The following BIRC6 variants were observed in gnomAD, a reference collection of about 807,000 sequenced individuals.
The protein encoded by BIRC6 is baculoviral IAP repeat containing 6.
In BIRC6, 98 loss-of-function variants were observed where a neutral mutation model predicts 503.3. That is an observed-to-expected ratio of 0.19 (90% CI 0.17 to 0.23). BIRC6 has a LOEUF of 0.23. Ranked by LOEUF, BIRC6 falls within the 10% of genes least tolerant of loss-of-function variation. The pLI is 1.00. For missense variants in BIRC6, 5,360 were observed against 5,806.0 expected (o/e 0.92, Z 2.50); for synonymous variants, 2,240 against 2,078.7 (o/e 1.08, Z -2.11).
At chr2:32,573,272 A>G (rs1212181215) in intron 65 of BIRC6, among the ~76,000 whole-genome samples, 1 of 152,100 alleles carries the variant, frequency 6.6e-6, no homozygotes, top group Non-Finnish European at 1.5e-5. Context: ...GTCTCAGCTC[A>G]CTGCAGCCTC....
chr2:32,405,081 T>A (rs973255297), intron 8 of BIRC6, among the ~76,000 whole-genome samples: 4 of 152,234 alleles, frequency 2.6e-5, no homozygotes, highest in Non-Finnish European at 5.9e-5. Context: ...TACTACTACT[T>A]AATTTTATTG....
chr2:32,359,560 G>T (rs187633874), intron 1 of BIRC6, among the ~76,000 whole-genome samples: 4 of 152,120 alleles, frequency 2.6e-5, no homozygotes, highest in African/African-American at 4.8e-5. Context: ...AGAAGAGTTC[G>T]GGATTGGATA....
intron 66 of BIRC6, among the ~76,000 whole-genome samples, chr2:32,590,144 C>T (rs1231122913): frequency 6.6e-6 from 1 of 152,168 alleles, no homozygotes. Context: ...ATACTAGAAG[C>T]AGTTTCCCAC....
chr2:32,546,136 C>G (rs2058039532), intron 63 of BIRC6, among the ~76,000 whole-genome samples: 3 of 152,134 alleles, frequency 2.0e-5, no homozygotes, highest in African/African-American at 7.2e-5. Flanking sequence ...ATACTGTGAT[C>G]CTTCTTCCTT....
chr2:32,564,445 T>C (rs559549442), intron 65 of BIRC6: 10 of 152,200 alleles, frequency 6.6e-5, no homozygotes, highest in Non-Finnish European at 1.0e-4. Context: ...CAAATATCTA[T>C]TGGTGTTTCT....
chr2:32,465,212 C>G (rs1211584998), intron 26 of BIRC6, 48 bp downstream of exon 26: 2 of 795,938 alleles, frequency 2.5e-6, no homozygotes, highest in African/African-American at 2.9e-5. Context: ...TTTGCTTAGT[C>G]TGCCGGCCTT....
chr2:32,458,044 A>G lies in BIRC6; in HGVS notation c.4753+4102A>G, dbSNP rs918835370. On this transcript the variant is annotated intron_variant, in intron 23 of 73. Coordinates refer to ENST00000421745, the MANE Select transcript of BIRC6 (RefSeq NM_016252.4). Reference sequence around the variant, plus strand: ...TCAATACATGATTAAACAATATAATATAGAATTCTATAGGGATTCTAAGTT... The same window carrying G: ...TCAATACATGATTAAACAATATAATGTAGAATTCTATAGGGATTCTAAGTT... Among the ~76,000 whole-genome samples the G allele has an allele frequency of 9.2e-5, 14 of 152,308 alleles. No homozygotes were observed. In the East Asian group the frequency reaches 2.7e-3, roughly 29 times the overall value.
At chr2:32,598,473 G>GT (rs959783666) in intron 69 of BIRC6, among the ~76,000 whole-genome samples, 19 of 151,502 alleles carry the variant, frequency 1.3e-4, no homozygotes, top group Non-Finnish European at 2.2e-4. Context: ...GGAAATTTAT[G>GT]TTTTTTTTAA....
rs550769398 is a variant in BIRC6, at chr2:32,480,163, T to C, written c.7408+546T>C. On this transcript the variant is annotated intron_variant, in intron 37 of 73. Transcript: ENST00000421745. ...TCATGATTTTCTATTTTTTACTTGA[T>C]ATTCTCTTTATCTGGAGTAGATTTC... 2.2e-4 allele frequency among the ~76,000 whole-genome samples: 33 copies of C among 152,344 alleles called. No homozygotes were observed. In the South Asian group the frequency reaches 5.2e-3, roughly 24 times the overall value.
At chr2:32,530,518 C>T (rs1260786816) in intron 60 of BIRC6, among the ~76,000 whole-genome samples, 2 of 152,036 alleles carry the variant, frequency 1.3e-5, no homozygotes, top group South Asian at 2.1e-4. Context: ...CCCTTATATT[C>T]CATTAAATAT....
In BIRC6 at chr2:32,554,364, A is replaced by G. The variant is rs534209018; in HGVS notation, c.13144+4883A>G. The stretch of plus-strand genomic sequence containing the variant: ...CAATTCACAGATTAGAAAAGAACAA[A>G]TGAAATCTAGAGAAATGTATTCAGT... On this transcript the variant is annotated intron_variant, in intron 65 of 73. Coordinates refer to ENST00000421745, the MANE Select transcript of BIRC6 (RefSeq NM_016252.4). Among the ~76,000 whole-genome samples, 6 of 152,308 alleles carry G rather than the reference A, an allele frequency of 3.9e-5. No individual in the cohort carries two copies. The East Asian group carries it at 1.2e-3, about 29-fold the overall frequency.
intron 2 of BIRC6, 92 bp from the exon 3 acceptor site, chr2:32,380,061 A>G (rs1469422922): frequency 3.3e-6 from 3 of 912,212 alleles, no homozygotes; most frequent in Non-Finnish European, 4.7e-6. Flanking sequence ...ATCATTGCAT[A>G]TTAAAATATC....
In BIRC6 at chr2:32,436,111, A is replaced by G. The variant is rs569048876; in HGVS notation, c.3558A>G (p.Val1186=). ...AAGAAGACATTCTATGTGGGCCAGTATGGCTTGCTAGTGGCCTTGATCTAT... is the reference window on the plus strand; with the variant it reads ...AAGAAGACATTCTATGTGGGCCAGTGTGGCTTGCTAGTGGCCTTGATCTAT... The part of the protein sequence containing the change: ...DHKEDILCGP[V]WLASGLDLSG... The change falls in exon 15 of 74, where the codon GTA becomes GTG. Residue 1186 remains valine, a synonymous_variant. Transcript: ENST00000421745. The G allele has an allele frequency of 1.1e-5, 16 of 1,501,242 alleles. No homozygotes were observed. The East Asian group carries it at 3.2e-4, about 30-fold the overall frequency. 93.0% of individuals were successfully genotyped at this position (1,501,242 alleles called of 1,614,324 possible).
chr2:32,555,914 C>CA (rs372061622), intron 65 of BIRC6, among the ~76,000 whole-genome samples: 28,719 of 85,682 alleles, frequency 0.34, 3,498 homozygotes, highest in Admixed American at 0.41. Context: ...GACCCTATCT[C>CA]AAAAAAAAAA....
chr2:32,566,820 C>T (rs1235671617), intron 65 of BIRC6, among the ~76,000 whole-genome samples: 1 of 152,060 alleles, frequency 6.6e-6, no homozygotes, highest in Non-Finnish European at 1.5e-5. Context: ...CTCTATTTTA[C>T]AGTTGATTGT....
chr2:32,377,213 ATGTGTGTGTGTGTG>A (rs59912267), intron 1 of BIRC6, among the ~76,000 whole-genome samples: 17 of 144,258 alleles, frequency 1.2e-4, no homozygotes, highest in African/African-American at 2.3e-4. Flanking sequence ...CTTAATATAT[ATGTGTGTGTGTGTG>A]TGTGTGTGTG....
chr2:32,424,324 A>G (rs902287818), intron 10 of BIRC6, among the ~76,000 whole-genome samples: 1 of 152,086 alleles, frequency 6.6e-6, no homozygotes, highest in Non-Finnish European at 1.5e-5. Flanking sequence ...CATCACTGCG[A>G]GGTCTTGGAA....
At chr2:32,493,091 A>G (rs1206169689) in intron 44 of BIRC6, among the ~76,000 whole-genome samples, 1 of 151,376 alleles carries the variant, frequency 6.6e-6, no homozygotes, top group African/African-American at 2.4e-5. Flanking sequence ...ACTTAGCTTA[A>G]TGCTTGCTTT....
intron 68 of BIRC6, 86 bp downstream of exon 68, chr2:32,595,230 G>T: frequency 2.5e-6 from 2 of 812,776 alleles, no homozygotes; most frequent in South Asian, 1.8e-5. Context: ...GCAAATTAAA[G>T]ATTTTTAAAA....
Sources: allele counts gnomAD v4.1 joint callset (sites outside exome capture counted in the v4.1 genomes callset), GRCh38; gene constraint gnomAD v4.1.1; transcripts MANE v1.5; gene names NCBI Gene and HGNC (gene_info 2026-07-23, HGNC 2026-07-21).